CALCR: variants seen among roughly 807,000 people sequenced by gnomAD.
CALCR encodes calcitonin receptor.
A neutral mutation model predicts 59.5 loss-of-function variants in CALCR; 47 were observed. The ratio of observed to expected loss-of-function variants is 0.79; its 90% CI spans 0.63 to 1.01. CALCR has a LOEUF of 1.01. Ranked by LOEUF, CALCR falls within the 50% of genes least tolerant of loss-of-function variation. CALCR has a pLI of 0.00. For synonymous variants in CALCR, 213 were observed against 211.3 expected, an observed-to-expected ratio of 1.01 and a Z score of -0.07; for missense variants, 566 against 597.1, an observed-to-expected ratio of 0.95 and a Z score of 0.54.
chr7:93,470,258 T>TAC (rs60525647), intron 6 of CALCR, among the ~76,000 whole-genome samples: 28,381 of 147,680 alleles, frequency 0.19, 3,144 homozygotes, highest in Non-Finnish European at 0.25. Flanking sequence ...AGGAATCTTA[T>TAC]ACACACACAC....
chr7:93,478,847 G>C (rs1800728872), intron 4 of CALCR, among the ~76,000 whole-genome samples: 1 of 151,702 alleles, frequency 6.6e-6, no homozygotes, highest in African/African-American at 2.4e-5. Flanking sequence ...TAGAGAAGCT[G>C]GTAGATAAAC....
chr7:93,508,413 T>A (rs1008215337), intron 2 of CALCR, among the ~76,000 whole-genome samples: 4 of 151,796 alleles, frequency 2.6e-5, no homozygotes, highest in Non-Finnish European at 4.4e-5. Flanking sequence ...TTTAAACAAA[T>A]TTTTTTTTAA....
chr7:93,437,149 A>G (rs1271419468), intron 11 of CALCR, among the ~76,000 whole-genome samples: 1 of 152,166 alleles, frequency 6.6e-6, no homozygotes. Flanking sequence ...CATATACTCA[A>G]CTCAGATACA....
intron 13 of CALCR, among the ~76,000 whole-genome samples, chr7:93,430,141 T>C (rs1799628470): frequency 6.6e-6 from 1 of 152,038 alleles, no homozygotes; most frequent in Admixed American, 6.5e-5. Flanking sequence ...TTCACTGTGT[T>C]AGCCAGGATG....
chr7:93,433,666 C>A (rs1165061734), intron 13 of CALCR, among the ~76,000 whole-genome samples: 1 of 152,116 alleles, frequency 6.6e-6, no homozygotes, highest in Non-Finnish European at 1.5e-5. Flanking sequence ...GATTTGGCTC[C>A]CAGGCAAGAT....
At chr7:93,514,359 T>G (rs1801609059) in intron 2 of CALCR, among the ~76,000 whole-genome samples, 1 of 152,066 alleles carries the variant, frequency 6.6e-6, no homozygotes, top group South Asian at 2.1e-4. Flanking sequence ...TTTGTAGCTA[T>G]AATACTTTTG....
intron 2 of CALCR, among the ~76,000 whole-genome samples, chr7:93,491,238 C>A (rs1219895573): frequency 2.0e-5 from 3 of 152,078 alleles, no homozygotes; most frequent in Admixed American, 2.0e-4. Flanking sequence ...CTTCCTTACA[C>A]CTTATACAAA....
intron 9 of CALCR, 27 bp from the exon 10 acceptor site, chr7:93,438,297 A>ACT (rs1398134356): frequency 6.3e-7 from 1 of 1,584,708 alleles, no homozygotes; most frequent in Non-Finnish European, 8.7e-7. Context: ...TACAAATCAC[A>ACT]CTTGGTTTCT....
chr7:93,502,515 CT>C (rs373626403), intron 2 of CALCR, among the ~76,000 whole-genome samples: 2 of 152,084 alleles, frequency 1.3e-5, no homozygotes, highest in African/African-American at 4.8e-5. Context: ...TATCTTCTGG[CT>C]AAGTTTCGCT....
In CALCR at chr7:93,425,652, C is replaced by A. The variant is rs1275564172; in HGVS notation, c.*704G>T. ...AATACATTCAACATTAAGACCAATTCTTTACAACAGCTAGGTCCTGCCCAA... is the reference window on the plus strand; with the variant it reads ...AATACATTCAACATTAAGACCAATTATTTACAACAGCTAGGTCCTGCCCAA... On this transcript the variant is annotated 3_prime_UTR_variant, in exon 14 of 14. Coordinates refer to ENST00000426151, the MANE Select transcript of CALCR (RefSeq NM_001742.4). The A allele has an allele frequency of 6.6e-6, 1 of 152,226 alleles. No individual in the cohort carries two copies. The highest frequency in any genetic ancestry group is 1.5e-5 in the Non-Finnish European group (1 of 68,040). 9.4% of individuals were successfully genotyped at this position (152,226 alleles called of 1,614,324 possible).
At chr7:93,486,858 A>C in intron 3 of CALCR, 73 bp downstream of exon 3, 1 of 947,992 alleles carries the variant, frequency 1.1e-6, no homozygotes, top group Admixed American at 1.9e-5. Flanking sequence ...TACTAATTAA[A>C]TCACACTCAA....
chr7:93,434,444 C>T (rs1199427353), intron 12 of CALCR, 150 bp from the exon 13 acceptor site: 1 of 578,768 alleles, frequency 1.7e-6, no homozygotes, highest in Non-Finnish European at 3.1e-6. Context: ...CAGTGCTGCA[C>T]TATAAGAATA....
chr7:93,544,409 CAT>C (rs914882867), intron 2 of CALCR, among the ~76,000 whole-genome samples: 10 of 152,122 alleles, frequency 6.6e-5, no homozygotes, highest in African/African-American at 1.2e-4. Flanking sequence ...GAACATTTTT[CAT>C]ATGTTTTTGC....
chr7:93,549,684 C>T (rs958026435), intron 2 of CALCR, among the ~76,000 whole-genome samples: 1 of 152,150 alleles, frequency 6.6e-6, no homozygotes, highest in Admixed American at 6.5e-5. Flanking sequence ...GATAAACCTC[C>T]TCTATTAGGG....
intron 2 of CALCR, among the ~76,000 whole-genome samples, chr7:93,569,276 C>A (rs893360330): frequency 1.3e-5 from 2 of 151,994 alleles, no homozygotes; most frequent in Admixed American, 6.6e-5. Flanking sequence ...CTTCAAGGAC[C>A]CCCCACTATC....
At chr7:93,476,874 C>A (rs1800677352) in intron 5 of CALCR, among the ~76,000 whole-genome samples, 1 of 151,928 alleles carries the variant, frequency 6.6e-6, no homozygotes, top group Admixed American at 6.6e-5. Flanking sequence ...TCTTTCTTCA[C>A]ATCCCAACTT....
intron 2 of CALCR, among the ~76,000 whole-genome samples, chr7:93,564,024 T>C (rs1789803722): frequency 6.6e-6 from 1 of 152,238 alleles, no homozygotes. Context: ...TTATTGTTAT[T>C]ATTGAAATAT....
Position 93,439,360 on chromosome 7 carries a change from C to T in CALCR, c.803-1090G>A, listed in dbSNP as rs189912017. On this transcript the variant is annotated intron_variant, in intron 9 of 13. Transcript: ENST00000426151. ...GTTATTCACAGCAGTTCTAACATAC[C>T]ATTTTCCCACTTGGGCTCAGAAAGA... Among the ~76,000 whole-genome samples, 408 of 152,192 alleles carry T rather than the reference C, an allele frequency of 2.7e-3. 3 individuals are homozygous for T. The highest frequency in any genetic ancestry group is 9.5e-3 in the African/African-American group (394 of 41,534).
intron 2 of CALCR, among the ~76,000 whole-genome samples, chr7:93,488,914 C>T (rs1255490975): frequency 6.6e-6 from 1 of 151,770 alleles, no homozygotes; most frequent in Admixed American, 6.6e-5. Flanking sequence ...TCAAGTGGAC[C>T]TAATAGACAT....
Sources: gnomAD v4.1 joint callset for allele counts (sites outside exome capture counted in the v4.1 genomes callset) on GRCh38, gnomAD v4.1.1 for gene constraint, MANE v1.5 for transcripts, NCBI Gene and HGNC (gene_info 2026-07-23, HGNC 2026-07-21) for gene names.